STARD9: variants seen among roughly 807,000 people sequenced by gnomAD.
STARD9 encodes stAR-related lipid transfer protein 9.
A neutral mutation model predicts 399.8 loss-of-function variants in STARD9; 346 were observed. That is an observed-to-expected ratio of 0.87 (90% CI 0.79 to 0.95). The LOEUF (loss-of-function observed/expected upper bound fraction) is 0.95, where lower values mean the gene tolerates loss of function less well. STARD9 is among the 40% of genes least tolerant of loss of function. The pLI, the probability that STARD9 is intolerant of heterozygous loss-of-function variation, is 0.00. For missense variants in STARD9, 5,832 were observed against 5,667.5 expected (o/e 1.03, Z -0.93); for synonymous variants, 2,203 against 2,143.5 (o/e 1.03, Z -0.77).
At chr15:42,592,574 A>G (rs1287331742) in intron 3 of STARD9, among the ~76,000 whole-genome samples, 1 of 151,936 alleles carries the variant, frequency 6.6e-6, no homozygotes, top group Non-Finnish European at 1.5e-5. Context: ...CCTCCCGAGT[A>G]GCTGGGATTA....
chr15:42,615,768 A>G (rs1421659481), intron 3 of STARD9, among the ~76,000 whole-genome samples: 3 of 152,122 alleles, frequency 2.0e-5, no homozygotes, highest in Admixed American at 1.3e-4. Context: ...TGCTGTCTCA[A>G]TTATTTTAAA....
rs1194456482 is a variant in STARD9 at position 42,687,173 on chromosome 15, A to T, written c.5595A>T (p.Val1865=). The T allele has an allele frequency of 3.3e-6, 5 of 1,537,426 alleles. No individual in the cohort carries two copies. The Admixed American group carries it at 9.8e-5, about 30-fold the overall frequency. Reference sequence around the variant, plus strand: ...TTCTCCCCTCTACCAGCACAAAAGTATGTGAATTTGAAAACCAAGTTGTAA... The same window carrying T: ...TTCTCCCCTCTACCAGCACAAAAGTTTGTGAATTTGAAAACCAAGTTGTAA... ...RHFLPSTSTK[V]CEFENQVVIL... The change falls in exon 23 of 33, where the codon GTA becomes GTT. Residue 1865 remains valine, a synonymous_variant. Transcript: ENST00000290607.
chr15:42,650,789 C>G (rs2059746148), intron 7 of STARD9, among the ~76,000 whole-genome samples: 1 of 152,202 alleles, frequency 6.6e-6, no homozygotes, highest in African/African-American at 2.4e-5. Flanking sequence ...AGACCATAAT[C>G]TCTGTGAGGA....
Position 42,689,718 on chromosome 15 carries a change from T to G in STARD9, c.8140T>G (p.Ser2714Ala). The change falls in exon 23 of 33, where the codon TCA (serine) becomes GCA (alanine). Residue 2714 changes from serine (S) to alanine (A), a missense_variant. Coordinates refer to ENST00000290607, the MANE Select transcript of STARD9 (RefSeq NM_020759.3). ...GAAAGATGCAACCAGAACACCTTCC[T>G]CAGCTGATCCTTTGGCCCCAGACAG... ...KKKDATRTPSSADPLAPDSPR... is the reference protein window; with the variant it reads ...KKKDATRTPSAADPLAPDSPR... 1 of 1,537,856 alleles carries G rather than the reference T, an allele frequency of 6.5e-7. No individual in the cohort carries two copies.
chr15:42,713,098 AT>A (rs2061280695), intron 26 of STARD9, among the ~76,000 whole-genome samples: 1 of 152,130 alleles, frequency 6.6e-6, no homozygotes, highest in Non-Finnish European at 1.5e-5. Context: ...CATTGTGTTT[AT>A]TTAGGTTTAA....
chr15:42,642,380 G>A (rs2059556436), intron 7 of STARD9, among the ~76,000 whole-genome samples: 1 of 152,342 alleles, frequency 6.6e-6, no homozygotes, highest in African/African-American at 2.4e-5. Context: ...AAATGCACAA[G>A]GGCCTGCCCA....
At chr15:42,661,592 G>A (rs1231559988) in intron 10 of STARD9, among the ~76,000 whole-genome samples, 5 of 151,930 alleles carry the variant, frequency 3.3e-5, no homozygotes, top group Non-Finnish European at 5.9e-5. Flanking sequence ...CTACAGGCAC[G>A]TGACACCACA....
intron 3 of STARD9, among the ~76,000 whole-genome samples, chr15:42,618,343 G>A (rs1298065800): frequency 1.3e-5 from 2 of 151,580 alleles, no homozygotes; most frequent in African/African-American, 4.8e-5. Flanking sequence ...ATGTTGCCCA[G>A]GTTGGTCGTG....
intron 26 of STARD9, among the ~76,000 whole-genome samples, chr15:42,700,240 A>G (rs1171672840): frequency 6.6e-6 from 1 of 152,248 alleles, no homozygotes; most frequent in Non-Finnish European, 1.5e-5. Context: ...TGCAATAAAT[A>G]TGGGAGTGTA....
intron 3 of STARD9, among the ~76,000 whole-genome samples, chr15:42,613,331 A>G (rs564939782): frequency 6.6e-6 from 1 of 152,296 alleles, no homozygotes; most frequent in South Asian, 2.1e-4. Context: ...TAAAGGTAAT[A>G]AAAGAGTAGC....
chr15:42,669,266 T>A lies in STARD9; in HGVS notation c.1426T>A (p.Ser476Thr), dbSNP rs906623371. ...GAGGAGGGCTGGGGTGGTCATCGAC[T>A]CCAGCCTGCCACACTTGATGGCCTT... Reference protein sequence around the residue: ...NRRRAGVVIDSSLPHLMALED... With the variant: ...NRRRAGVVIDTSLPHLMALED... Residue 476 changes from serine to threonine, a missense_variant, in exon 16 of 33, where the codon TCC becomes ACC. Ser to Thr is a moderately conservative substitution (Grantham distance 58, BLOSUM62 1). This residue lies in a region of STARD9 where 5,828 missense variants were observed against 5,651.1 expected (regional missense o/e 1.03). Coordinates refer to ENST00000290607, the MANE Select transcript of STARD9 (RefSeq NM_020759.3). The A allele has an allele frequency of 1.3e-6, 2 of 1,537,008 alleles. No individual in the cohort carries two copies. Among genetic ancestry groups the A allele is most frequent in the Non-Finnish European group, 1.7e-6 (2 of 1,146,692 alleles).
intron 7 of STARD9, among the ~76,000 whole-genome samples, chr15:42,650,085 C>CA (rs935636568): frequency 1.6e-4 from 24 of 151,862 alleles, no homozygotes; most frequent in Non-Finnish European, 2.5e-4. Context: ...AGGCTAGTCT[C>CA]AAACTCCTGA....
chr15:42,611,100 C>T (rs901269268), intron 3 of STARD9, among the ~76,000 whole-genome samples: 6 of 152,086 alleles, frequency 3.9e-5, no homozygotes, highest in Non-Finnish European at 8.8e-5. Flanking sequence ...GAAGTTGGCT[C>T]TAAAAAGGAC....
intron 17 of STARD9, 49 bp from the exon 18 acceptor site, chr15:42,674,778 G>A (rs988960894): frequency 1.3e-6 from 2 of 1,482,620 alleles, no homozygotes; most frequent in African/African-American, 2.8e-5. Context: ...TGGAGAGGGT[G>A]TTTCCCTGCA....
rs1398640521 is a variant in STARD9, at chr15:42,677,942, A to G, written c.1874+1967A>G. ...TTCTCTTGCCTTTTTAAAGTCTTCT[A>G]TGGCTCTCTAGCCCCACAGGCACTG... is the stretch of plus-strand genomic sequence containing the variant. On this transcript the variant is annotated intron_variant, in intron 20 of 32. Transcript: ENST00000290607. 3.3e-5 allele frequency among the ~76,000 whole-genome samples: 5 copies of G among 152,296 alleles called. No homozygotes were observed. The South Asian group carries it at 6.2e-4, about 19-fold the overall frequency.
intron 9 of STARD9, among the ~76,000 whole-genome samples, chr15:42,660,438 C>T (rs1328339976): frequency 2.6e-5 from 4 of 151,982 alleles, no homozygotes; most frequent in South Asian, 2.1e-4. Flanking sequence ...GTGGTGCATG[C>T]CTGTAATCTC....
At chr15:42,679,547 C>T (rs1017436261) in intron 20 of STARD9, among the ~76,000 whole-genome samples, 3 of 152,158 alleles carry the variant, frequency 2.0e-5, no homozygotes, top group Non-Finnish European at 4.4e-5. Context: ...CCCATTCCCC[C>T]GGGCTATTCC....
At position 42,634,984 on chromosome 15, in the gene STARD9, A is replaced by G. The variant is rs17767439; in HGVS notation, c.351+12A>G. ...TGCTGGGGACCCCAGTGAGTATTAC[A>G]ATGATATATATTCCTAATGCCACAG... On this transcript the variant is annotated intron_variant, in intron 4 of 32. Transcript: ENST00000290607. 14,226 of 1,416,374 alleles carry G rather than the reference A, an allele frequency of 0.01. 88 individuals are homozygous for G. The highest frequency in any genetic ancestry group is 0.012 in the Non-Finnish European group (12,792 of 1,040,576). 87.7% of individuals were successfully genotyped at this position (1,416,374 alleles called of 1,614,324 possible). A position where few individuals can be genotyped will look rare whatever the true frequency, so the allele number is the denominator to read the frequency against.
In STARD9 at chr15:42,693,600, A is replaced by G. The variant is rs1043202628; in HGVS notation, c.12022A>G (p.Thr4008Ala). 1 of 1,537,258 alleles carries G rather than the reference A, an allele frequency of 6.5e-7. No individual in the cohort carries two copies. The highest frequency in any genetic ancestry group is 8.7e-7 in the Non-Finnish European group (1 of 1,146,904). The change falls in exon 23 of 33, where the codon ACT becomes GCT. Residue 4008 changes from threonine (T) to alanine (A), a missense_variant. Physicochemically the swap from Thr to Ala is moderately conservative, Grantham distance 58 (BLOSUM62 0). This residue lies in a region of STARD9 where 5,828 missense variants were observed against 5,651.1 expected (regional missense o/e 1.03). Transcript: ENST00000290607. ...QHPQQLQPRTTIGVQSRLLPP... is the reference protein window; with the variant it reads ...QHPQQLQPRTAIGVQSRLLPP... ...CCCTCAGCAGCTTCAGCCCAGGACAACTATCGGGGTCCAAAGCAGACTGCT... is the reference window on the plus strand; with the variant it reads ...CCCTCAGCAGCTTCAGCCCAGGACAGCTATCGGGGTCCAAAGCAGACTGCT...
Sources: allele counts gnomAD v4.1 joint callset (sites outside exome capture counted in the v4.1 genomes callset), GRCh38; gene constraint gnomAD v4.1.1; regional missense constraint gnomAD v4.1.1; transcripts MANE v1.5; gene names NCBI Gene and HGNC (gene_info 2026-07-23, HGNC 2026-07-21).